SP1: variants seen among roughly 807,000 people sequenced by gnomAD.
The protein encoded by SP1 is Sp1 transcription factor.
Under a neutral mutation model 66.3 loss-of-function variants are expected in SP1, and 6 were observed. That is an observed-to-expected ratio of 0.09 (90% CI 0.05 to 0.18). The LOEUF (loss-of-function observed/expected upper bound fraction) is 0.18, where lower values mean the gene tolerates loss of function less well. Among genes scored for constraint, SP1 ranks in the 10% least tolerant of loss-of-function variants. SP1 has a pLI of 1.00. For synonymous variants in SP1, 417 were observed against 360.8 expected, an observed-to-expected ratio of 1.16 and a Z score of -1.77; for missense variants, 848 against 964.5, an observed-to-expected ratio of 0.88 and a Z score of 1.60.
At chr12:53,380,574 C>G (rs1170159224) in intron 1 of SP1, 15 of 832,388 alleles carry the variant, frequency 1.8e-5, no homozygotes, top group Admixed American at 1.1e-4. Flanking sequence ...CCTTACCCCC[C>G]ACTACTCGGC....
At chr12:53,397,130 G>A (rs1445498035) in intron 3 of SP1, among the ~76,000 whole-genome samples, 1 of 150,346 alleles carries the variant, frequency 6.7e-6, no homozygotes, top group Non-Finnish European at 1.5e-5. Flanking sequence ...TTCTGCCTCA[G>A]CTTCCCAAGT....
chr12:53,401,715 T>C (rs1938614833), intron 3 of SP1, among the ~76,000 whole-genome samples: 1 of 152,152 alleles, frequency 6.6e-6, no homozygotes, highest in South Asian at 2.1e-4. Flanking sequence ...TTCCTAATAC[T>C]GTTAGCTACA....
chr12:53,396,120 CA>C (rs1355695083), intron 3 of SP1, among the ~76,000 whole-genome samples: 36 of 136,918 alleles, frequency 2.6e-4, no homozygotes, highest in South Asian at 9.3e-4. Context: ...ACTCTTGTCT[CA>C]AAAAAAAAAA....
intron 3 of SP1, among the ~76,000 whole-genome samples, chr12:53,403,802 G>T (rs991533303): frequency 6.6e-6 from 1 of 152,024 alleles, no homozygotes; most frequent in East Asian, 1.9e-4. Context: ...ACATTTTGGG[G>T]GGCTGAGGCG....
rs1938879142 is a variant in SP1 at position 53,411,308 on chromosome 12, G to C, written c.*68G>C. On this transcript the variant is annotated 3_prime_UTR_variant, in exon 6 of 6. Coordinates refer to ENST00000327443, the MANE Select transcript of SP1 (RefSeq NM_138473.3). ...AACCCCGGGATGCAAGGTAGCATGG[G>C]TCCAAGAGACATGGAAGAGAGAGCC... 2 of 1,274,622 alleles carry C rather than the reference G, an allele frequency of 1.6e-6. No homozygotes were observed. Among genetic ancestry groups the C allele is most frequent in the African/African-American group, 3.0e-5 (2 of 67,554 alleles). The allele number at this position is 1,274,622 out of a possible 1,614,324, so 79.0% of individuals were successfully genotyped here. A position where few individuals can be genotyped will look rare whatever the true frequency, so the allele number is the denominator to read the frequency against.
chr12:53,409,825 T>C (rs2136920209), intron 5 of SP1, among the ~76,000 whole-genome samples: 1 of 151,208 alleles, frequency 6.6e-6, no homozygotes, highest in African/African-American at 2.4e-5. Context: ...CTGGCTAACA[T>C]GGTGAAACCC....
At chr12:53,387,897 AATG>A (rs759227281) in intron 3 of SP1, among the ~76,000 whole-genome samples, 108 of 152,062 alleles carry the variant, frequency 7.1e-4, no homozygotes, top group Admixed American at 1.2e-3. Flanking sequence ...GAGGCAGGAG[AATG>A]ATGTGAACCT....
chr12:53,390,346 G>A (rs1337109335), intron 3 of SP1, among the ~76,000 whole-genome samples: 1 of 152,104 alleles, frequency 6.6e-6, no homozygotes, highest in Non-Finnish European at 1.5e-5. Flanking sequence ...CTTTTTAAAT[G>A]GTTATTTCAG....
rs1938927446 is a variant in SP1 at position 53,413,047 on chromosome 12, A to G, written c.*1807A>G. On this transcript the variant is annotated 3_prime_UTR_variant, in exon 6 of 6. Transcript: ENST00000327443. ...AATAAAAAAATTACCCTGATCTGAT[A>G]GAAAGCAAGTGTTTTTGTATGTGTG... 1 of 152,574 alleles carries G rather than the reference A, an allele frequency of 6.6e-6. No individual in the cohort carries two copies. Among genetic ancestry groups the G allele is most frequent in the Non-Finnish European group, 1.5e-5 (1 of 68,042 alleles). The allele number at this position is 152,574 out of a possible 1,614,324, so 9.5% of individuals were successfully genotyped here. A position where few individuals can be genotyped will look rare whatever the true frequency, so the allele number is the denominator to read the frequency against.
chr12:53,384,709 G>A (rs953789435), intron 3 of SP1, among the ~76,000 whole-genome samples: 6 of 152,298 alleles, frequency 3.9e-5, no homozygotes, highest in African/African-American at 1.2e-4. Flanking sequence ...ATTATGGGCC[G>A]GGTGTGGTGG....
intron 3 of SP1, among the ~76,000 whole-genome samples, chr12:53,386,358 T>C (rs77118113): frequency 0.026 from 3,995 of 152,132 alleles, 171 homozygotes; most frequent in African/African-American, 0.091. Context: ...GGAAAAACAG[T>C]CTGGGAAGAA....
intron 3 of SP1, among the ~76,000 whole-genome samples, chr12:53,393,619 C>T (rs1263404538): frequency 2.8e-5 from 4 of 143,374 alleles, no homozygotes; most frequent in Non-Finnish European, 6.0e-5. Context: ...AATTTTGAGA[C>T]GGAATTCTCC....
In SP1 at chr12:53,414,916, G is replaced by T. The variant is rs750500327; in HGVS notation, c.*3676G>T. On this transcript the variant is annotated 3_prime_UTR_variant, in exon 6 of 6. Coordinates refer to ENST00000327443, the MANE Select transcript of SP1 (RefSeq NM_138473.3). ...AGAGTTTTGGAGATCAGGTACCAAGGAAATAAGGACAGTCTAGCTGCCTCA... is the reference window on the plus strand; with the variant it reads ...AGAGTTTTGGAGATCAGGTACCAAGTAAATAAGGACAGTCTAGCTGCCTCA... 1.3e-5 allele frequency: 2 copies of T among 152,550 alleles called. No homozygotes were observed. The highest frequency in any genetic ancestry group is 2.9e-5 in the Non-Finnish European group (2 of 68,028). 9.4% of individuals were successfully genotyped at this position (152,550 alleles called of 1,614,324 possible). A position where few individuals can be genotyped will look rare whatever the true frequency, so the allele number is the denominator to read the frequency against.
chr12:53,413,284 AAG>A lies in SP1; in HGVS notation c.*2046_*2047del, dbSNP rs1255740544. 1 of 152,270 alleles carries A rather than the reference AAG, an allele frequency of 6.6e-6. No homozygotes were observed. Among genetic ancestry groups the A allele is most frequent in the Non-Finnish European group, 1.5e-5 (1 of 68,044 alleles). The allele number at this position is 152,270 out of a possible 1,614,324, so 9.4% of individuals were successfully genotyped here. A position where few individuals can be genotyped will look rare whatever the true frequency, so the allele number is the denominator to read the frequency against. Reference sequence around the variant, plus strand: ...GGATATTCTACTGTACTTTTTTAAAAAGAAACTATTTTTGTGTTTGAAAGTGA... The same window carrying A: ...GGATATTCTACTGTACTTTTTTAAAAAAACTATTTTTGTGTTTGAAAGTGA... On this transcript the variant is annotated 3_prime_UTR_variant, in exon 6 of 6. Transcript: ENST00000327443.
At position 53,412,626 on chromosome 12, in the gene SP1, T is replaced by G. The variant is rs1487514967; in HGVS notation, c.*1386T>G. On this transcript the variant is annotated 3_prime_UTR_variant, in exon 6 of 6. Coordinates refer to ENST00000327443, the MANE Select transcript of SP1 (RefSeq NM_138473.3). ...TAACTTTTCCTTGTATGTTCTTGGG[T>G]GGTTCCTAAGGGAAAGGGAAGCACA... The G allele has an allele frequency of 6.6e-6, 1 of 152,580 alleles. No individual in the cohort carries two copies. The highest frequency in any genetic ancestry group is 2.4e-5 in the African/African-American group (1 of 41,446). The allele number at this position is 152,580 out of a possible 1,614,324, so 9.5% of individuals were successfully genotyped here.
At chr12:53,410,307 AAAAAT>A (rs531966395) in intron 5 of SP1, among the ~76,000 whole-genome samples, 20 of 152,106 alleles carry the variant, frequency 1.3e-4, no homozygotes, top group South Asian at 1.0e-3. Context: ...TCTGTCTCAA[AAAAAT>A]AAAATAAAAT....
chr12:53,396,924 C>G (rs900532764), intron 3 of SP1, among the ~76,000 whole-genome samples: 1 of 151,930 alleles, frequency 6.6e-6, no homozygotes, highest in African/African-American at 2.4e-5. Context: ...CCACCACACC[C>G]GGCCTCTCCT....
At chr12:53,406,842 T>G in intron 4 of SP1, 89 bp downstream of exon 4, 3 of 988,812 alleles carry the variant, frequency 3.0e-6, no homozygotes, top group Non-Finnish European at 4.3e-6. Flanking sequence ...TTTTTTTTTT[T>G]GAGACCGAGT....
Position 53,399,820 on chromosome 12 carries a change from G to A in SP1, c.1676-6765G>A, listed in dbSNP as rs193045210. Among the ~76,000 whole-genome samples, 533 of 150,890 alleles carry A rather than the reference G, an allele frequency of 3.5e-3. 3 individuals carry two copies. Among genetic ancestry groups the A allele is most frequent in the African/African-American group, 0.012 (510 of 41,128 alleles). On this transcript the variant is annotated intron_variant, in intron 3 of 5. Transcript: ENST00000327443. ...CTAATTTTGTATTTTTAGTAGAGAC[G>A]GGGTTTTTCCGTGTTGGTCAGGGTG...
Sources: gnomAD v4.1 joint callset for allele counts (sites outside exome capture counted in the v4.1 genomes callset) on GRCh38, gnomAD v4.1.1 for gene constraint, MANE v1.5 for transcripts, NCBI Gene and HGNC (gene_info 2026-07-23, HGNC 2026-07-21) for gene names.